The following TEX2 variants were observed in gnomAD, a reference collection of about 807,000 sequenced individuals.
The protein encoded by TEX2 is testis-expressed protein 2.
Under a neutral mutation model 106.9 loss-of-function variants are expected in TEX2, and 53 were observed. The observed-to-expected ratio is 0.50, with a 90% confidence interval of 0.40 to 0.62. The LOEUF is 0.62. TEX2 is among the 20% of genes least tolerant of loss of function. TEX2 has a pLI of 0.00. For missense variants in TEX2, 1,207 were observed against 1,379.0 expected (o/e 0.88, Z 1.98); for synonymous variants, 523 against 534.8 (o/e 0.98, Z 0.30).
chr17:64,244,235 C>T (rs1401842679), intron 1 of TEX2, among the ~76,000 whole-genome samples: 1 of 152,090 alleles, frequency 6.6e-6, no homozygotes, highest in Non-Finnish European at 1.5e-5. Context: ...AAACCTTTTC[C>T]CAAGAAAAAT....
chr17:64,165,326 G>A (rs1025138159), intron 7 of TEX2, among the ~76,000 whole-genome samples: 12 of 152,162 alleles, frequency 7.9e-5, no homozygotes, highest in African/African-American at 2.9e-4. Context: ...TTATCTACCT[G>A]TAACTGTCCT....
intron 2 of TEX2, among the ~76,000 whole-genome samples, chr17:64,204,482 TGTTAAATATCA>T (rs1205995764): frequency 6.6e-6 from 1 of 152,228 alleles, no homozygotes; most frequent in Non-Finnish European, 1.5e-5. Context: ...GTCATCTGTA[TGTTAAATATCA>T]GCAAGGCTTA....
chr17:64,227,107 T>A (rs547323505), intron 1 of TEX2, among the ~76,000 whole-genome samples: 15 of 151,766 alleles, frequency 9.9e-5, no homozygotes, highest in Admixed American at 1.3e-4. Flanking sequence ...GCGCCTGTAG[T>A]CCCAGCTACT....
At chr17:64,251,619 T>C (rs985874641) in intron 1 of TEX2, among the ~76,000 whole-genome samples, 4 of 152,186 alleles carry the variant, frequency 2.6e-5, no homozygotes, top group Admixed American at 1.3e-4. Context: ...CCTTTTGACA[T>C]GTCAGGTGGA....
At chr17:64,170,619 A>T (rs2031339646) in intron 7 of TEX2, among the ~76,000 whole-genome samples, 1 of 74,300 alleles carries the variant, frequency 1.3e-5, no homozygotes, top group Non-Finnish European at 2.8e-5. Context: ...ATCTATTCCA[A>T]ATCTTTTTTT....
At chr17:64,258,435 C>T (rs1226295624) in intron 1 of TEX2, among the ~76,000 whole-genome samples, 1 of 151,708 alleles carries the variant, frequency 6.6e-6, no homozygotes, top group East Asian at 1.9e-4. Context: ...GTTATTTAAC[C>T]TTTCTGAGCC....
rs781795991 is a variant in TEX2 at position 64,217,957 on chromosome 17, C to G, written c.-25-3715G>C. On this transcript the variant is annotated intron_variant, in intron 1 of 11. Coordinates refer to ENST00000584379, the MANE Select transcript of TEX2 (RefSeq NM_001288732.2). The surrounding 1 kb of genome is among the most constrained non-coding windows in gnomAD (Gnocchi z 4.3). ...GTACACAAAATTAATCACGTCCCGT[C>G]CCAGAATGGATGAGGGTGGCAGAGG... Among the ~76,000 whole-genome samples, 2 of 152,174 alleles carry G rather than the reference C, an allele frequency of 1.3e-5. No homozygotes were observed. Among genetic ancestry groups the G allele is most frequent in the African/African-American group, 2.4e-5 (1 of 41,426 alleles).
At chr17:64,172,209 C>T (rs977895227) in intron 6 of TEX2, among the ~76,000 whole-genome samples, 1 of 151,790 alleles carries the variant, frequency 6.6e-6, no homozygotes, top group Non-Finnish European at 1.5e-5. Context: ...AAAAATTAGC[C>T]GGGTGTGGTG....
intron 1 of TEX2, among the ~76,000 whole-genome samples, chr17:64,252,737 C>T (rs1820058277): frequency 6.6e-6 from 1 of 152,046 alleles, no homozygotes; most frequent in African/African-American, 2.4e-5. Flanking sequence ...GGGTCAGATA[C>T]GAAGCTAGGT....
chr17:64,240,459 C>T (rs1268246269), intron 1 of TEX2, among the ~76,000 whole-genome samples: 1 of 152,090 alleles, frequency 6.6e-6, no homozygotes, highest in Non-Finnish European at 1.5e-5. Flanking sequence ...GCAAGCAGGG[C>T]TGTCCTCAGG....
intron 1 of TEX2, among the ~76,000 whole-genome samples, chr17:64,226,764 A>C (rs2033516093): frequency 6.6e-6 from 1 of 152,236 alleles, no homozygotes; most frequent in African/African-American, 2.4e-5. Context: ...TCTTGCACTA[A>C]GGCTGGAACA....
chr17:64,229,043 C>T (rs1030981176), intron 1 of TEX2, among the ~76,000 whole-genome samples: 5 of 151,838 alleles, frequency 3.3e-5, no homozygotes, highest in African/African-American at 1.2e-4. Context: ...TGCAGGGTTT[C>T]CTGTTTTCAC....
At chr17:64,190,861 G>T (rs1346674333) in intron 4 of TEX2, among the ~76,000 whole-genome samples, 5 of 152,196 alleles carry the variant, frequency 3.3e-5, no homozygotes, top group African/African-American at 1.2e-4. Flanking sequence ...TGTTGCTAGA[G>T]AAATCTATGA....
At chr17:64,173,485 T>TAAGC (rs2031495953) in intron 6 of TEX2, among the ~76,000 whole-genome samples, 1 of 152,192 alleles carries the variant, frequency 6.6e-6, no homozygotes, top group Non-Finnish European at 1.5e-5. Context: ...CAGAGAAACA[T>TAAGC]AAGCTTTCAG....
Position 64,185,357 on chromosome 17 carries a change from ACT to A in TEX2, c.2424+2809_2424+2810del, listed in dbSNP as rs932210358. Among the ~76,000 whole-genome samples the A allele has an allele frequency of 1.1e-4, 16 of 152,222 alleles. No homozygotes were observed. The highest frequency in any genetic ancestry group is 2.6e-4 in the Admixed American group (4 of 15,294). ...CACACAGAACCAGCAGCCTCCCTGG[ACT>A]CACACCCCTGAGCAAATCTGCAGCT... On this transcript the variant is annotated intron_variant, in intron 5 of 11. Transcript: ENST00000584379. The surrounding 1 kb of genome is among the most constrained non-coding windows in gnomAD (Gnocchi z 4.0).
chr17:64,210,415 C>T (rs1191900358), intron 2 of TEX2, among the ~76,000 whole-genome samples: 1 of 152,128 alleles, frequency 6.6e-6, no homozygotes, highest in Admixed American at 6.5e-5. Flanking sequence ...TGCATATCTT[C>T]ATATATGCAG....
intron 1 of TEX2, among the ~76,000 whole-genome samples, chr17:64,236,733 TTAAAGA>T (rs2033776717): frequency 6.6e-6 from 1 of 152,200 alleles, no homozygotes; most frequent in Non-Finnish European, 1.5e-5. Flanking sequence ...TAACACCTAG[TTAAAGA>T]TAAACTCTTA....
At chr17:64,192,420 T>C (rs1290774911) in intron 4 of TEX2, among the ~76,000 whole-genome samples, 1 of 152,192 alleles carries the variant, frequency 6.6e-6, no homozygotes, top group Non-Finnish European at 1.5e-5. Flanking sequence ...GGGCCAAGTA[T>C]TGATGGTCAC....
chr17:64,172,719 T>C (rs913073740), intron 6 of TEX2, among the ~76,000 whole-genome samples: 2 of 152,090 alleles, frequency 1.3e-5, no homozygotes, highest in African/African-American at 4.8e-5. Flanking sequence ...CCCTACGAGT[T>C]TTTCTCCATC....
Sources: allele counts gnomAD v4.1 joint callset (sites outside exome capture counted in the v4.1 genomes callset), GRCh38; gene constraint gnomAD v4.1.1; non-coding constraint Gnocchi (gnomAD v3.1); transcripts MANE v1.5; gene names NCBI Gene and HGNC (gene_info 2026-07-23, HGNC 2026-07-21).